Variants in VAV3 observed in about 807,000 individuals in gnomAD.
VAV3 encodes vav guanine nucleotide exchange factor 3, also known as guanine nucleotide exchange factor VAV3.
In VAV3, 94 loss-of-function variants were observed where a neutral mutation model predicts 131.2. That is an observed-to-expected ratio of 0.72 (90% CI 0.61 to 0.85). The LOEUF is 0.85. Among genes scored for constraint, VAV3 ranks in the 40% least tolerant of loss-of-function variants. The pLI, the probability that VAV3 is intolerant of heterozygous loss-of-function variation, is 0.00. For synonymous variants in VAV3, 349 were observed against 342.0 expected, an observed-to-expected ratio of 1.02 and a Z score of -0.22; for missense variants, 939 against 1,002.7, an observed-to-expected ratio of 0.94 and a Z score of 0.86.
intron 25 of VAV3, among the ~76,000 whole-genome samples, chr1:107,594,486 C>G: frequency 6.6e-6 from 1 of 152,122 alleles, no homozygotes; most frequent in South Asian, 2.1e-4. Flanking sequence ...TTGTCAGAAT[C>G]TCTTAAAAAG....
At chr1:107,773,401 T>C (rs764035661) in intron 4 of VAV3, among the ~76,000 whole-genome samples, 14 of 152,206 alleles carry the variant, frequency 9.2e-5, no homozygotes, top group Non-Finnish European at 1.8e-4. Context: ...TCATAAGTGG[T>C]CTTATAAAAG....
At chr1:107,946,911 A>G (rs930351371) in intron 1 of VAV3, among the ~76,000 whole-genome samples, 1 of 152,206 alleles carries the variant, frequency 6.6e-6, no homozygotes, top group Non-Finnish European at 1.5e-5. Flanking sequence ...AGAGTTTACA[A>G]CATTCAAAGC....
At chr1:107,715,988 T>C (rs1477563037) in intron 15 of VAV3, among the ~76,000 whole-genome samples, 1 of 152,158 alleles carries the variant, frequency 6.6e-6, no homozygotes, top group Non-Finnish European at 1.5e-5. Context: ...CAAGGTAATA[T>C]TAGGGAACAA....
chr1:107,815,911 G>C (rs1667542170), intron 2 of VAV3, among the ~76,000 whole-genome samples: 1 of 152,136 alleles, frequency 6.6e-6, no homozygotes, highest in Admixed American at 6.5e-5. Context: ...GATGGTTTCA[G>C]GATGAAACTG....
At chr1:107,926,708 G>A (rs1327815524) in intron 1 of VAV3, among the ~76,000 whole-genome samples, 2 of 152,124 alleles carry the variant, frequency 1.3e-5, no homozygotes, top group African/African-American at 2.4e-5. Flanking sequence ...ATCCAAACCA[G>A]GCTGAACTCA....
chr1:107,591,974 T>C (rs1558071904), intron 25 of VAV3, among the ~76,000 whole-genome samples: 2 of 152,080 alleles, frequency 1.3e-5, no homozygotes, highest in East Asian at 3.9e-4. Context: ...TTGTATCACA[T>C]CTTTTATAGC....
chr1:107,599,243 CAT>C, intron 24 of VAV3, among the ~76,000 whole-genome samples: 1 of 152,278 alleles, frequency 6.6e-6, no homozygotes, highest in South Asian at 2.1e-4. Context: ...AATCTTCCTA[CAT>C]GTTTCTAACT....
At chr1:107,849,683 A>G (rs967409945) in intron 2 of VAV3, among the ~76,000 whole-genome samples, 7 of 152,204 alleles carry the variant, frequency 4.6e-5, no homozygotes, top group Non-Finnish European at 1.0e-4. Flanking sequence ...TCATGACTAT[A>G]ACACCAAAAG....
intron 2 of VAV3, among the ~76,000 whole-genome samples, chr1:107,799,271 GTTTC>G (rs1367498310): frequency 6.8e-6 from 1 of 147,090 alleles, no homozygotes; most frequent in East Asian, 2.0e-4. Context: ...TTCAAAATCA[GTTTC>G]TTTATTTGCC....
At chr1:107,810,216 C>T (rs1315438757) in intron 2 of VAV3, among the ~76,000 whole-genome samples, 1 of 152,118 alleles carries the variant, frequency 6.6e-6, no homozygotes, top group Non-Finnish European at 1.5e-5. Flanking sequence ...GGAAGATTCA[C>T]TACAGAGGTG....
intron 15 of VAV3, among the ~76,000 whole-genome samples, chr1:107,742,640 T>C (rs1230904096): frequency 6.6e-6 from 1 of 152,160 alleles, no homozygotes; most frequent in Non-Finnish European, 1.5e-5. Context: ...TTTCTTTCCA[T>C]TCCCAGATCC....
chr1:107,706,391 C>T (rs1423396110), intron 15 of VAV3, among the ~76,000 whole-genome samples: 1 of 152,136 alleles, frequency 6.6e-6, no homozygotes, highest in Non-Finnish European at 1.5e-5. Flanking sequence ...GAGAGGTCAG[C>T]CTTCCAATCC....
At chr1:107,670,782 T>C (rs142806342) in intron 19 of VAV3, among the ~76,000 whole-genome samples, 78 of 152,268 alleles carry the variant, frequency 5.1e-4, no homozygotes, top group African/African-American at 1.8e-3. Context: ...ACTACAAATA[T>C]GAGTAAAGTG....
intron 19 of VAV3, among the ~76,000 whole-genome samples, chr1:107,676,602 CT>C (rs376599670): frequency 5.3e-5 from 8 of 150,602 alleles, no homozygotes; most frequent in East Asian, 1.9e-4. Flanking sequence ...AGTCAGAAAA[CT>C]TTTTTTTTTC....
chr1:107,750,472 G>A (rs1252227511), intron 13 of VAV3, among the ~76,000 whole-genome samples: 2 of 152,150 alleles, frequency 1.3e-5, no homozygotes, highest in African/African-American at 2.4e-5. Flanking sequence ...TCACAGGGCT[G>A]TAACACTTGC....
Position 107,630,107 on chromosome 1 carries a change from C to T in VAV3, c.1915-12475G>A, listed in dbSNP as rs114409218. The stretch of plus-strand genomic sequence containing the variant: ...TAGATTTTTATCTATAGGTTTAACG[C>T]TAGATATATTTGCAACAATATGATT... On this transcript the variant is annotated intron_variant, in intron 20 of 26. Transcript: ENST00000370056. 5.8e-3 allele frequency among the ~76,000 whole-genome samples: 880 copies of T among 152,210 alleles called. 9 individuals carry two copies. The highest frequency in any genetic ancestry group is 0.02 in the African/African-American group (846 of 41,524).
chr1:107,714,426 T>G (rs1050792169), intron 15 of VAV3, among the ~76,000 whole-genome samples: 1 of 152,134 alleles, frequency 6.6e-6, no homozygotes, highest in African/African-American at 2.4e-5. Flanking sequence ...AACTGATCCT[T>G]TTATACCTAA....
chr1:107,660,267 C>G (rs1570703994), intron 19 of VAV3, among the ~76,000 whole-genome samples: 1 of 152,170 alleles, frequency 6.6e-6, no homozygotes, highest in East Asian at 1.9e-4. Context: ...CCAGTGGCAA[C>G]AGTGAGCACT....
At chr1:107,692,944 T>C (rs1659516821) in intron 17 of VAV3, among the ~76,000 whole-genome samples, 1 of 152,142 alleles carries the variant, frequency 6.6e-6, no homozygotes, top group African/African-American at 2.4e-5. Context: ...CTGGTCAATG[T>C]CAGAGTAAGA....
Sources: gnomAD v4.1 joint callset for allele counts (sites outside exome capture counted in the v4.1 genomes callset) on GRCh38, gnomAD v4.1.1 for gene constraint, MANE v1.5 for transcripts, NCBI Gene and HGNC (gene_info 2026-07-23, HGNC 2026-07-21) for gene names.